The following SPTBN1 variants were observed in gnomAD, a reference collection of about 807,000 sequenced individuals.
SPTBN1 encodes the protein spectrin beta chain, non-erythrocytic 1.
In SPTBN1, 32 loss-of-function variants were observed where a neutral mutation model predicts 266.4. That is an observed-to-expected ratio of 0.12 (90% confidence interval 0.09 to 0.16). The LOEUF (loss-of-function observed/expected upper bound fraction) is 0.16, where lower values mean the gene tolerates loss of function less well. Among genes scored for constraint, SPTBN1 ranks in the 10% least tolerant of loss-of-function variants. The pLI is 1.00. For synonymous variants in SPTBN1, 1,336 were observed against 1,162.2 expected, an observed-to-expected ratio of 1.15 and a Z score of -3.04; for missense variants, 2,296 against 3,067.1, an observed-to-expected ratio of 0.75 and a Z score of 5.94.
chr2:54,487,143 C>T (rs1322497094), intron 1 of SPTBN1, among the ~76,000 whole-genome samples: 7 of 128,450 alleles, frequency 5.4e-5, no homozygotes, highest in Admixed American at 4.5e-4. Flanking sequence ...TTTTCTATAG[C>T]TTTTTCTGAT....
chr2:54,496,886 T>C (rs1338342702), intron 1 of SPTBN1, among the ~76,000 whole-genome samples: 3 of 152,242 alleles, frequency 2.0e-5, no homozygotes, highest in East Asian at 3.8e-4. Flanking sequence ...TATAATGATA[T>C]TACTGTGCTC....
At chr2:54,539,284 T>C (rs1295601708) in intron 2 of SPTBN1, among the ~76,000 whole-genome samples, 3 of 152,234 alleles carry the variant, frequency 2.0e-5, no homozygotes, top group East Asian at 1.9e-4. Context: ...CTATTAATTA[T>C]CACTTTCATC....
chr2:54,457,015 G>T (rs1693074496), intron 1 of SPTBN1, among the ~76,000 whole-genome samples: 2 of 151,714 alleles, frequency 1.3e-5, no homozygotes, highest in Non-Finnish European at 2.9e-5. Context: ...GCGGTGACAG[G>T]GCCGGGCTCT....
At chr2:54,505,530 G>A (rs1669508663) in intron 1 of SPTBN1, among the ~76,000 whole-genome samples, 1 of 152,094 alleles carries the variant, frequency 6.6e-6, no homozygotes, top group Admixed American at 6.5e-5. Flanking sequence ...CTGCCTGCTG[G>A]GAAATCTGTG....
At chr2:54,643,228 C>G in intron 19 of SPTBN1, 99 bp downstream of exon 19, 1 of 1,517,184 alleles carries the variant, frequency 6.6e-7, no homozygotes, top group Non-Finnish European at 8.9e-7. Flanking sequence ...CTGATCTTAT[C>G]TGTACATTTA....
chr2:54,516,400 C>G (rs1333512324), intron 1 of SPTBN1: 1 of 152,166 alleles, frequency 6.6e-6, no homozygotes, highest in Non-Finnish European at 1.5e-5. Context: ...GTCATCACCT[C>G]TGCATTTTAA....
intron 19 of SPTBN1, among the ~76,000 whole-genome samples, chr2:54,643,971 C>T (rs549079635): frequency 7.8e-5 from 8 of 102,624 alleles, no homozygotes; most frequent in Non-Finnish European, 1.5e-4. Flanking sequence ...GACTCTGTCT[C>T]AATATAATAA....
At chr2:54,545,824 C>T (rs1006836477) in intron 2 of SPTBN1, among the ~76,000 whole-genome samples, 1 of 152,030 alleles carries the variant, frequency 6.6e-6, no homozygotes, top group Non-Finnish European at 1.5e-5. Context: ...TGTGTATATG[C>T]TCTTAGGGAG....
chr2:54,627,972 G>C, intron 12 of SPTBN1, 125 bp from the exon 13 acceptor site: 2 of 1,085,488 alleles, frequency 1.8e-6, no homozygotes, highest in South Asian at 1.9e-5. Flanking sequence ...TGAAGGTGTG[G>C]GGTCCATGGC....
intron 3 of SPTBN1, among the ~76,000 whole-genome samples, chr2:54,608,041 G>A (rs1573518818): frequency 6.6e-6 from 1 of 152,158 alleles, no homozygotes; most frequent in Non-Finnish European, 1.5e-5. Flanking sequence ...CTAAGGTAGG[G>A]CTGGCTGCTG....
chr2:54,587,947 A>G (rs948208526), intron 2 of SPTBN1, among the ~76,000 whole-genome samples: 3 of 152,220 alleles, frequency 2.0e-5, no homozygotes, highest in Admixed American at 6.5e-5. Context: ...AACATATTCA[A>G]TAGCAAAATT....
Position 54,509,500 on chromosome 2 carries a change from C to T in SPTBN1, c.-47-16872C>T, listed in dbSNP as rs917670658. 4.6e-5 allele frequency among the ~76,000 whole-genome samples: 7 copies of T among 152,352 alleles called. No homozygotes were observed. The East Asian group carries it at 7.7e-4, about 17-fold the overall frequency. The stretch of plus-strand genomic sequence containing the variant: ...TGTTAGGGCAGCGGCAGCTGCTGCA[C>T]GGGGACATGATGGCCAGCCTAAAAC... On this transcript the variant is annotated intron_variant, in intron 1 of 35. Transcript: ENST00000356805.
chr2:54,619,107 A>G (rs1677826695), intron 7 of SPTBN1, among the ~76,000 whole-genome samples: 1 of 152,254 alleles, frequency 6.6e-6, no homozygotes, highest in African/African-American at 2.4e-5. Flanking sequence ...AACTGTGTGT[A>G]TGTGAGTGAA....
rs780256140 is a variant in SPTBN1, at chr2:54,668,391, T to C, written c.6917T>C (p.Ile2306Thr). The C allele has an allele frequency of 2.5e-6, 4 of 1,614,032 alleles. No individual in the cohort carries two copies. The highest frequency in any genetic ancestry group is 1.1e-5 in the South Asian group (1 of 91,070). The change falls in exon 36 of 36, where the codon ATC becomes ACC. Residue 2306 changes from isoleucine (I) to threonine (T), a missense_variant. By Grantham distance (89) the Ile-to-Thr change is moderately conservative. This residue lies in a region of SPTBN1 where 347 missense variants were observed against 368.5 expected (regional missense o/e 0.94). Coordinates refer to ENST00000356805, the MANE Select transcript of SPTBN1 (RefSeq NM_003128.3). ...TGGATCCAGGCTATCTCTTCCGCCA[T>C]CTCCTCTGATAAACACGAGGTGTCT... is the stretch of plus-strand genomic sequence containing the variant. The part of the protein sequence containing the change: ...NTWIQAISSA[I>T]SSDKHEVSAS...
At chr2:54,615,738 C>T (rs1677564777) in intron 4 of SPTBN1, among the ~76,000 whole-genome samples, 1 of 152,222 alleles carries the variant, frequency 6.6e-6, no homozygotes, top group African/African-American at 2.4e-5. Flanking sequence ...TATGAAGGCA[C>T]ACCATGGAAG....
rs549858442 is a variant in SPTBN1 at position 54,514,363 on chromosome 2, T to A, written c.-47-12009T>A. Reference sequence around the variant, plus strand: ...CCATTATAGTAAGGGTGAATTTTGCTCCTTCAAAGAGTATAGAGCCTGGTT... The same window carrying A: ...CCATTATAGTAAGGGTGAATTTTGCACCTTCAAAGAGTATAGAGCCTGGTT... On this transcript the variant is annotated intron_variant, in intron 1 of 35. Transcript: ENST00000356805. 6.6e-5 allele frequency among the ~76,000 whole-genome samples: 10 copies of A among 152,296 alleles called. No individual in the cohort carries two copies. The South Asian group carries it at 1.9e-3, about 28-fold the overall frequency.
intron 29 of SPTBN1, among the ~76,000 whole-genome samples, chr2:54,656,581 A>G (rs1264467188): frequency 2.0e-5 from 3 of 152,232 alleles, no homozygotes; most frequent in East Asian, 1.9e-4. Context: ...CATAATTGGT[A>G]TGAGCACTAA....
intron 2 of SPTBN1, among the ~76,000 whole-genome samples, chr2:54,536,373 C>T (rs1043166673): frequency 2.0e-5 from 3 of 152,146 alleles, no homozygotes; most frequent in Non-Finnish European, 4.4e-5. Flanking sequence ...TTTTATTTAA[C>T]CTCCATCTTC....
rs1295019197 is a variant in SPTBN1 at position 54,466,355 on chromosome 2, C to CTTAGAAAG, written c.-48+9839_-48+9840insAGAAAGTT. On this transcript the variant is annotated intron_variant, in intron 1 of 35. Transcript: ENST00000356805. ...ATTTGTGTAATTAAGTATGTTTATT[C>CTTAGAAAG]TTCGAGACCATCCTGGCTAACACGG... is the stretch of plus-strand genomic sequence containing the variant. 8.4e-3 allele frequency among the ~76,000 whole-genome samples: 753 copies of CTTAGAAAG among 89,140 alleles called. 79 individuals carry two copies. Among genetic ancestry groups the CTTAGAAAG allele is most frequent in the African/African-American group, 0.015 (196 of 13,272 alleles). The allele number at this position is 89,140 out of a possible 152,430, so 58.5% of individuals were successfully genotyped here.
Sources: gnomAD v4.1 joint callset for allele counts (sites outside exome capture counted in the v4.1 genomes callset) on GRCh38, gnomAD v4.1.1 for gene constraint, gnomAD v4.1.1 regional missense constraint, MANE v1.5 for transcripts, NCBI Gene and HGNC (gene_info 2026-07-23, HGNC 2026-07-21) for gene names.